MRC1: variants seen among roughly 807,000 people sequenced by gnomAD.
MRC1 encodes macrophage mannose receptor 1.
A neutral mutation model predicts 102.9 loss-of-function variants in MRC1; 62 were observed. That is an observed-to-expected ratio of 0.60 (90% CI 0.49 to 0.74). The LOEUF (loss-of-function observed/expected upper bound fraction) is 0.74. Among genes scored for constraint, MRC1 ranks in the 30% least tolerant of loss-of-function variants. The probability of loss-of-function intolerance (pLI) is 0.00; values close to 1 mark genes in which losing one functional copy is unlikely to be tolerated. For missense variants in MRC1, 1,237 were observed against 862.8 expected (o/e 1.43, Z -5.43); for synonymous variants, 457 against 298.4 (o/e 1.53, Z -5.48).
intron 22 of MRC1, 130 bp from the exon 23 acceptor site, chr10:17,894,080 A>C (rs1489823057): frequency 1.4e-6 from 1 of 712,828 alleles, no homozygotes; most frequent in African/African-American, 1.7e-5. Context: ...GATTGAGCAT[A>C]TCTTAAGTTA....
Position 17,902,075 on chromosome 10 carries a change from C to T in MRC1, c.3752C>T (p.Ser1251Leu), listed in dbSNP as rs1833836752. ...FHGHCYYIES[S>L]YTRNWGQASL... ...GGTCACTGTTACTATATTGAGTCCT[C>T]ATATACAAGAAACTGGGGCCAAGCT... The change falls in exon 26 of 30, where the codon TCA becomes TTA. Residue 1251 changes from serine (S) to leucine (L), a missense_variant. Coordinates refer to ENST00000569591, the MANE Select transcript of MRC1 (RefSeq NM_002438.4). The T allele has an allele frequency of 5.1e-6, 4 of 780,770 alleles. No homozygotes were observed. The East Asian group carries it at 9.7e-5, about 19-fold the overall frequency. The allele number at this position is 780,770 out of a possible 1,614,324, so 48.4% of individuals were successfully genotyped here. A position where few individuals can be genotyped will look rare whatever the true frequency, so the allele number is the denominator to read the frequency against.
intron 9 of MRC1, among the ~76,000 whole-genome samples, chr10:17,856,858 G>A (rs963090157): frequency 2.6e-5 from 4 of 152,130 alleles, no homozygotes; most frequent in Non-Finnish European, 5.9e-5. Flanking sequence ...GTAGGTCACC[G>A]CAGTCGGGAG....
chr10:17,848,225 A>C (rs1838855614), intron 6 of MRC1, among the ~76,000 whole-genome samples: 1 of 152,244 alleles, frequency 6.6e-6, no homozygotes, highest in Admixed American at 6.5e-5. Context: ...TAAATAATAT[A>C]TACGTTCACT....
intron 1 of MRC1, among the ~76,000 whole-genome samples, chr10:17,819,853 C>T (rs2461141): frequency 6.6e-6 from 1 of 151,898 alleles, no homozygotes; most frequent in African/African-American, 2.4e-5. Context: ...GCTGAAGTGG[C>T]AGGATCGCTT....
At chr10:17,894,394 CTTT>C (rs34625338) in intron 23 of MRC1, 82 bp downstream of exon 23, 3,013 of 399,548 alleles carry the variant, frequency 7.5e-3, no homozygotes, top group East Asian at 0.017. Flanking sequence ...TTCTTTCTTT[CTTT>C]TTTTTTTTTT....
At chr10:17,833,611 A>C in intron 3 of MRC1, 64 bp from the exon 4 acceptor site, 1 of 780,856 alleles carries the variant, frequency 1.3e-6, no homozygotes, top group South Asian at 1.3e-5. Context: ...GGTTTAAATA[A>C]TACTATTCAC....
intron 23 of MRC1, among the ~76,000 whole-genome samples, chr10:17,897,721 G>A (rs1308747352): frequency 5.3e-5 from 8 of 152,212 alleles, no homozygotes; most frequent in Admixed American, 1.3e-4. Flanking sequence ...ATTAAACTAC[G>A]GCATTTCTTT....
intron 8 of MRC1, among the ~76,000 whole-genome samples, chr10:17,854,158 C>T (rs1421908129): frequency 6.6e-6 from 1 of 152,096 alleles, no homozygotes; most frequent in African/African-American, 2.4e-5. Context: ...TGCCATGTTG[C>T]CCAAGCTAGT....
At chr10:17,902,712 C>T (rs963667092) in intron 26 of MRC1, among the ~76,000 whole-genome samples, 5 of 152,122 alleles carry the variant, frequency 3.3e-5, no homozygotes, top group Non-Finnish European at 7.3e-5. Context: ...AACAGTGGTA[C>T]GCACAGTTTA....
intron 2 of MRC1, among the ~76,000 whole-genome samples, chr10:17,823,910 T>G (rs1402099095): frequency 1.3e-5 from 2 of 152,236 alleles, no homozygotes; most frequent in Non-Finnish European, 1.5e-5. Flanking sequence ...CAATTTAGAT[T>G]GCCTAAGATG....
chr10:17,852,772 G>A (rs1838935717), intron 7 of MRC1, among the ~76,000 whole-genome samples, 195 bp from the exon 8 acceptor site: 2 of 152,154 alleles, frequency 1.3e-5, no homozygotes, highest in Admixed American at 1.3e-4. Context: ...AAACTAACAA[G>A]GTAAAATGTA....
Position 17,833,850 on chromosome 10 carries a change from G to A in MRC1, c.802+11G>A, listed in dbSNP as rs782493002. ...AAACATACCTGACAGGTAAGGACAT[G>A]AAAAGTCTCAAGTAAAATCATGACT... On this transcript the variant is annotated intron_variant, in intron 4 of 29. Coordinates refer to ENST00000569591, the MANE Select transcript of MRC1 (RefSeq NM_002438.4). The A allele has an allele frequency of 1.3e-6, 1 of 780,606 alleles. No homozygotes were observed. The highest frequency in any genetic ancestry group is 1.7e-5 in the Admixed American group (1 of 58,948). 48.4% of individuals were successfully genotyped at this position (780,606 alleles called of 1,614,324 possible).
intron 15 of MRC1, 55 bp from the exon 16 acceptor site, chr10:17,873,729 T>C (rs967864524): frequency 2.3e-6 from 2 of 856,298 alleles, no homozygotes; most frequent in Non-Finnish European, 2.1e-6. Context: ...TAGAAGGAAA[T>C]GTAATTAGCA....
chr10:17,835,353 A>G (rs1838646890), intron 4 of MRC1, among the ~76,000 whole-genome samples: 1 of 152,224 alleles, frequency 6.6e-6, no homozygotes, highest in Non-Finnish European at 1.5e-5. Flanking sequence ...CATTCCCAAG[A>G]TATCTTGTAC....
Position 17,873,786 on chromosome 10 carries a change from C to G in MRC1, c.2347C>G (p.Gln783Glu). The G allele has an allele frequency of 1.1e-6, 1 of 872,564 alleles. No individual in the cohort carries two copies. The highest frequency in any genetic ancestry group is 1.3e-5 in the South Asian group (1 of 76,530). 54.1% of individuals were successfully genotyped at this position (872,564 alleles called of 1,614,324 possible). The change falls in exon 16 of 30, where the codon CAA becomes GAA. Residue 783 changes from glutamine to glutamate, a missense_variant and splice_region_variant. Transcript: ENST00000569591. ...TCTATTTTTCTCTTGTTTTACAGGA[C>G]AAACACCAAAACCTGAGCCAACACC... Reference protein sequence around the residue: ...NNWICQIQKGQTPKPEPTPAP... With the variant: ...NNWICQIQKGETPKPEPTPAP...
intron 22 of MRC1, among the ~76,000 whole-genome samples, chr10:17,891,638 T>G (rs1332439634): frequency 4.6e-5 from 7 of 152,182 alleles, no homozygotes; most frequent in Admixed American, 6.5e-5. Flanking sequence ...ACGTAGTGGA[T>G]AAAGGGAACA....
At chr10:17,894,118 G>A (rs1833718622) in intron 22 of MRC1, 92 bp from the exon 23 acceptor site, 1 of 825,530 alleles carries the variant, frequency 1.2e-6, no homozygotes, top group Non-Finnish European at 2.2e-6. Context: ...GGAAATCAGG[G>A]ATAATGAAAG....
Position 17,863,624 on chromosome 10 carries a change from T to C in MRC1, c.1725T>C (p.Thr575=), listed in dbSNP as rs1833217693. ...TGLSDIQTKG[T]FQWTIEEEVR... ...TTTCAGATATACAAACCAAAGGGACTTTTCAGTGGACCATCGAGGAAGAGG... is the reference window on the plus strand; with the variant it reads ...TTTCAGATATACAAACCAAAGGGACCTTTCAGTGGACCATCGAGGAAGAGG... The change falls in exon 11 of 30, where the codon ACT becomes ACC. Residue 575 remains threonine, a synonymous_variant. Transcript: ENST00000569591. The C allele has an allele frequency of 2.6e-6, 2 of 780,840 alleles. No homozygotes were observed. Among genetic ancestry groups the C allele is most frequent in the East Asian group, 2.4e-5 (1 of 41,238 alleles). 48.4% of individuals were successfully genotyped at this position (780,840 alleles called of 1,614,324 possible). A position where few individuals can be genotyped will look rare whatever the true frequency, so the allele number is the denominator to read the frequency against.
At chr10:17,821,307 T>C (rs1303423137) in intron 1 of MRC1, among the ~76,000 whole-genome samples, 1 of 152,128 alleles carries the variant, frequency 6.6e-6, no homozygotes, top group Non-Finnish European at 1.5e-5. Flanking sequence ...CTTGGCACCA[T>C]CATCCCCCAA....
Sources: allele counts gnomAD v4.1 joint callset (sites outside exome capture counted in the v4.1 genomes callset), GRCh38; gene constraint gnomAD v4.1.1; transcripts MANE v1.5; gene names NCBI Gene and HGNC (gene_info 2026-07-23, HGNC 2026-07-21).